NRXN1: variants seen among roughly 807,000 people sequenced by gnomAD.
NRXN1 encodes the protein neurexin 1.
A neutral mutation model predicts 150.9 loss-of-function variants in NRXN1; 39 were observed. That is an observed-to-expected ratio of 0.26 (90% CI 0.20 to 0.34). The LOEUF (loss-of-function observed/expected upper bound fraction) is 0.34. Ranked by LOEUF, NRXN1 falls within the 10% of genes least tolerant of loss-of-function variation. NRXN1 has a pLI of 1.00. For missense variants in NRXN1, 1,815 were observed against 1,949.9 expected (o/e 0.93, Z 1.30); for synonymous variants, 924 against 757.0 (o/e 1.22, Z -3.62).
intron 5 of NRXN1, among the ~76,000 whole-genome samples, chr2:50,844,929 T>C (rs539930053): frequency 5.9e-4 from 89 of 152,068 alleles, no homozygotes; most frequent in Non-Finnish European, 8.4e-4. Context: ...TCACAGTTCA[T>C]TGCAGTCTCG....
chr2:50,223,791 G>A (rs564418176), intron 18 of NRXN1, among the ~76,000 whole-genome samples: 18 of 152,004 alleles, frequency 1.2e-4, no homozygotes, highest in African/African-American at 1.7e-4. Context: ...TTAGTTTGGG[G>A]TGCGGGGGGA....
At chr2:50,825,201 T>A (rs2105849200) in intron 5 of NRXN1, among the ~76,000 whole-genome samples, 1 of 152,332 alleles carries the variant, frequency 6.6e-6, no homozygotes, top group South Asian at 2.1e-4. Flanking sequence ...GCTGTGATAC[T>A]GTGATTTAAA....
intron 21 of NRXN1, among the ~76,000 whole-genome samples, chr2:49,960,605 G>T (rs986921624): frequency 6.6e-6 from 1 of 152,140 alleles, no homozygotes; most frequent in African/African-American, 2.4e-5. Context: ...TCAGTCTAAT[G>T]AATTGTGGAG....
At chr2:50,981,312 G>T (rs1696752442) in intron 2 of NRXN1, among the ~76,000 whole-genome samples, 1 of 151,520 alleles carries the variant, frequency 6.6e-6, no homozygotes, top group African/African-American at 2.4e-5. Context: ...ACAAAAATTA[G>T]CCAGGTGTGG....
At chr2:50,753,632 T>G (rs1263293736) in intron 5 of NRXN1, among the ~76,000 whole-genome samples, 1 of 151,650 alleles carries the variant, frequency 6.6e-6, no homozygotes, top group Non-Finnish European at 1.5e-5. Flanking sequence ...TCTTCTTATC[T>G]CTCCCCTGAA....
chr2:50,951,554 T>C (rs1032437165), intron 2 of NRXN1, among the ~76,000 whole-genome samples: 2 of 152,110 alleles, frequency 1.3e-5, no homozygotes, highest in Non-Finnish European at 2.9e-5. Flanking sequence ...TGGAGGAGTT[T>C]AAAATATATT....
At chr2:50,939,881 G>A (rs1364929049) in intron 2 of NRXN1, among the ~76,000 whole-genome samples, 1 of 152,110 alleles carries the variant, frequency 6.6e-6, no homozygotes, top group Non-Finnish European at 1.5e-5. Flanking sequence ...AGTTAACTGA[G>A]ACATGCAGAA....
In NRXN1 at chr2:50,528,629, A is replaced by G. The variant is rs201727319; in HGVS notation, c.2370T>C (p.Asn790=). Residue 790 remains asparagine (N), a synonymous_variant, in exon 12 of 23, where the codon AAT becomes AAC. Coordinates refer to ENST00000401669, the MANE Select transcript of NRXN1 (RefSeq NM_001330078.2). ...VNLDCIRINC[N]SSKGPETLFA... ...AAATTTTGAATAGGCACTTACTGGA[A>G]TTACAGTTAATCCTGATACAATCTA... The G allele has an allele frequency of 7.8e-6, 12 of 1,541,626 alleles. No homozygotes were observed. The Admixed American group carries it at 1.2e-4, about 16-fold the overall frequency.
chr2:50,356,259 A>G (rs1180917588), intron 17 of NRXN1, among the ~76,000 whole-genome samples: 1 of 152,152 alleles, frequency 6.6e-6, no homozygotes, highest in African/African-American at 2.4e-5. Flanking sequence ...TCTGGGATGG[A>G]TGAGGGAAGA....
At chr2:50,330,776 C>A (rs761125381) in intron 17 of NRXN1, among the ~76,000 whole-genome samples, 5 of 152,152 alleles carry the variant, frequency 3.3e-5, no homozygotes, top group Non-Finnish European at 7.3e-5. Context: ...ATTTAAACTT[C>A]TTCACAACGT....
At chr2:50,530,112 T>C (rs2093059546) in intron 11 of NRXN1, among the ~76,000 whole-genome samples, 1 of 152,188 alleles carries the variant, frequency 6.6e-6, no homozygotes, top group Admixed American at 6.5e-5. Context: ...TATATACGTG[T>C]GTTTAACACT....
chr2:50,506,729 A>G, intron 12 of NRXN1, 112 bp from the exon 13 acceptor site: 2 of 1,012,580 alleles, frequency 2.0e-6, no homozygotes, highest in Non-Finnish European at 1.4e-6. Flanking sequence ...GAGAGAGGAG[A>G]GAAAGAAGAA....
intron 18 of NRXN1, among the ~76,000 whole-genome samples, chr2:50,220,006 TA>T (rs375532302): frequency 9.0e-4 from 33 of 36,616 alleles, no homozygotes; most frequent in African/African-American, 2.3e-3. Flanking sequence ...ATATATTATA[TA>T]ATATATTATA....
chr2:50,756,124 T>C (rs143306139), intron 5 of NRXN1, among the ~76,000 whole-genome samples: 2 of 151,910 alleles, frequency 1.3e-5, no homozygotes, highest in Non-Finnish European at 1.5e-5. Flanking sequence ...TCTCTGCACT[T>C]TCCTATGCTA....
At chr2:50,740,571 G>C (rs932468629) in intron 5 of NRXN1, among the ~76,000 whole-genome samples, 4 of 152,176 alleles carry the variant, frequency 2.6e-5, no homozygotes, top group Non-Finnish European at 4.4e-5. Flanking sequence ...TAAAGAGAAA[G>C]ATCACATTTC....
At chr2:50,028,808 T>C (rs1688761980) in intron 21 of NRXN1, among the ~76,000 whole-genome samples, 1 of 152,262 alleles carries the variant, frequency 6.6e-6, no homozygotes, top group African/African-American at 2.4e-5. Flanking sequence ...CCTAGTTGCT[T>C]CTTTTCTGAC....
intron 17 of NRXN1, among the ~76,000 whole-genome samples, chr2:50,373,766 T>C (rs1052966547): frequency 2.0e-5 from 3 of 151,932 alleles, no homozygotes; most frequent in African/African-American, 7.2e-5. Flanking sequence ...CTGAGAATCC[T>C]GGGGAGTAGG....
chr2:50,637,844 G>C (rs1683460683), intron 5 of NRXN1, among the ~76,000 whole-genome samples: 1 of 151,634 alleles, frequency 6.6e-6, no homozygotes, highest in Admixed American at 6.6e-5. Flanking sequence ...CACCTGGTAT[G>C]GTCCACAAGT....
chr2:50,058,159 T>G (rs1351719149), intron 19 of NRXN1, among the ~76,000 whole-genome samples: 1 of 152,214 alleles, frequency 6.6e-6, no homozygotes, highest in African/African-American at 2.4e-5. Flanking sequence ...GACAGTATGA[T>G]GTAAGTCAAC....
Sources: allele counts gnomAD v4.1 joint callset (sites outside exome capture counted in the v4.1 genomes callset), GRCh38; gene constraint gnomAD v4.1.1; transcripts MANE v1.5; gene names NCBI Gene and HGNC (gene_info 2026-07-23, HGNC 2026-07-21).